Variants in COL5A2 observed in about 807,000 individuals in gnomAD.
The protein encoded by COL5A2 is collagen type V alpha 2 chain, also known as collagen alpha-2(V) chain.
In COL5A2, 23 loss-of-function variants were observed where a neutral mutation model predicts 208.2. The observed-to-expected ratio is 0.11, with a 90% CI of 0.08 to 0.16. COL5A2 has a LOEUF of 0.16. Ranked by LOEUF, COL5A2 falls within the 10% of genes least tolerant of loss-of-function variation. COL5A2 has a pLI of 1.00. For synonymous variants in COL5A2, 625 were observed against 628.5 expected, an observed-to-expected ratio of 0.99 and a Z score of 0.08; for missense variants, 1,590 against 1,956.4, an observed-to-expected ratio of 0.81 and a Z score of 3.53.
At chr2:189,309,228 A>G in the COL5A2 span, among the ~76,000 whole-genome samples, 29 of 152,192 alleles carry the variant, frequency 1.9e-4, no homozygotes, top group Non-Finnish European at 3.8e-4. Flanking sequence ...CAGCACCAGG[A>G]AAAGGGAGTC....
At chr2:189,320,705 G>C in the COL5A2 span, among the ~76,000 whole-genome samples, 1 of 152,214 alleles carries the variant, frequency 6.6e-6, no homozygotes, top group Non-Finnish European at 1.5e-5. Flanking sequence ...GTACCTGAAA[G>C]TGATGGGGAG....
chr2:189,372,393 A>AT, the COL5A2 span, among the ~76,000 whole-genome samples: 1 of 152,208 alleles, frequency 6.6e-6, no homozygotes, highest in African/African-American at 2.4e-5. Flanking sequence ...TATTAGTTCC[A>AT]TAATTAAGTA....
chr2:189,114,022 A>G (rs1687337146), intron 1 of COL5A2, among the ~76,000 whole-genome samples: 1 of 152,146 alleles, frequency 6.6e-6, no homozygotes, highest in African/African-American at 2.4e-5. Context: ...GAAGTGGGCC[A>G]CTGGATTACT....
At chr2:189,131,461 G>A (rs1452429865) in intron 1 of COL5A2, among the ~76,000 whole-genome samples, 1 of 151,996 alleles carries the variant, frequency 6.6e-6, no homozygotes, top group East Asian at 1.9e-4. Flanking sequence ...AATTTCTTGG[G>A]TGAAAAAAAT....
intron 1 of COL5A2, among the ~76,000 whole-genome samples, chr2:189,149,636 AACATT>A (rs760870691): frequency 2.0e-5 from 3 of 152,250 alleles, no homozygotes; most frequent in Non-Finnish European, 4.4e-5. Flanking sequence ...GCTAAACATC[AACATT>A]ATTCTGAAAT....
chr2:189,053,047 G>T (rs772988278), intron 38 of COL5A2, 29 bp from the exon 39 acceptor site: 1 of 1,534,120 alleles, frequency 6.5e-7, no homozygotes, highest in Non-Finnish European at 9.0e-7. Context: ...ACAAGCAATT[G>T]ATTATAAGAC....
the COL5A2 span, among the ~76,000 whole-genome samples, chr2:189,304,587 C>T: frequency 1.3e-5 from 2 of 152,126 alleles, no homozygotes; most frequent in Non-Finnish European, 2.9e-5. Flanking sequence ...TTAAAACAAT[C>T]AGATCTCATG....
chr2:189,266,296 C>A, the COL5A2 span, among the ~76,000 whole-genome samples: 1 of 151,772 alleles, frequency 6.6e-6, no homozygotes, highest in African/African-American at 2.4e-5. Context: ...CATGGTGGCA[C>A]GCACCTGTAA....
At chr2:189,045,951 AAAC>A (rs1311689271) in intron 45 of COL5A2, 44 bp from the exon 46 acceptor site, 15 of 1,517,380 alleles carry the variant, frequency 9.9e-6, no homozygotes, top group Non-Finnish European at 1.2e-5. Flanking sequence ...ATTTATTCTA[AAAC>A]AACAATATTC....
the COL5A2 span, among the ~76,000 whole-genome samples, chr2:189,291,543 AG>A: frequency 4.6e-5 from 7 of 152,124 alleles, no homozygotes; most frequent in Non-Finnish European, 8.8e-5. Context: ...TTAGGACATT[AG>A]GTTAAATTTT....
intron 1 of COL5A2, among the ~76,000 whole-genome samples, chr2:189,186,147 A>G (rs542027139): frequency 3.7e-4 from 56 of 152,084 alleles, no homozygotes; most frequent in African/African-American, 1.2e-3. Context: ...GGCACGCACC[A>G]TCACAATCAG....
the COL5A2 span, among the ~76,000 whole-genome samples, chr2:189,249,944 G>A: frequency 7.9e-5 from 12 of 152,120 alleles, no homozygotes; most frequent in Non-Finnish European, 1.3e-4. Context: ...GTGATCCCCC[G>A]GCCTCGGCAT....
At chr2:189,152,976 T>C (rs1285554972) in intron 1 of COL5A2, among the ~76,000 whole-genome samples, 1 of 152,166 alleles carries the variant, frequency 6.6e-6, no homozygotes, top group Non-Finnish European at 1.5e-5. Flanking sequence ...ACTGCAGATA[T>C]TCAGAGTGTA....
At chr2:189,169,349 G>A (rs1246106961) in intron 1 of COL5A2, among the ~76,000 whole-genome samples, 1 of 152,174 alleles carries the variant, frequency 6.6e-6, no homozygotes, top group East Asian at 1.9e-4. Flanking sequence ...GCGAAACAGG[G>A]GAGGGGCAGT....
chr2:189,147,991 A>T (rs796827571), intron 1 of COL5A2, among the ~76,000 whole-genome samples: 1 of 152,288 alleles, frequency 6.6e-6, no homozygotes, highest in African/African-American at 2.4e-5. Context: ...TCAGACATTT[A>T]AAAAATGTCA....
chr2:189,148,996 T>C (rs1688093595), intron 1 of COL5A2, among the ~76,000 whole-genome samples: 2 of 152,106 alleles, frequency 1.3e-5, no homozygotes, highest in Non-Finnish European at 2.9e-5. Context: ...AAAAAATTAA[T>C]TGGGCGTGGT....
chr2:189,337,090 C>T, the COL5A2 span, among the ~76,000 whole-genome samples: 128 of 152,192 alleles, frequency 8.4e-4, 1 homozygote, highest in African/African-American at 2.6e-3. Context: ...AATATTTAAA[C>T]TGGATTAAAT....
At chr2:189,181,120 A>C (rs1476730248), upstream of COL5A2, among the ~76,000 whole-genome samples, 2 of 152,236 alleles carry the variant, frequency 1.3e-5, no homozygotes, top group African/African-American at 2.4e-5. Flanking sequence ...GGGATGCATT[A>C]AGCCCGGAGA....
chr2:189,363,694 A>C, the COL5A2 span, among the ~76,000 whole-genome samples: 5,546 of 152,276 alleles, frequency 0.036, 117 homozygotes, highest in Admixed American at 0.05. Flanking sequence ...TTATCAAATA[A>C]CAGATCAACT....
Sources: allele counts gnomAD v4.1 joint callset (sites outside exome capture counted in the v4.1 genomes callset), GRCh38; gene constraint gnomAD v4.1.1; transcripts MANE v1.5; gene names NCBI Gene and HGNC (gene_info 2026-07-23, HGNC 2026-07-21).